MRPL1: variants seen among roughly 807,000 people sequenced by gnomAD.
The protein encoded by MRPL1 is large ribosomal subunit protein uL1m.
A neutral mutation model predicts 38.0 loss-of-function variants in MRPL1; 28 were observed. The ratio of observed to expected loss-of-function variants is 0.74; its 90% CI spans 0.55 to 1.01. The LOEUF is 1.01. Ranked by LOEUF, MRPL1 falls within the 50% of genes least tolerant of loss-of-function variation. The pLI is 0.00. For synonymous variants in MRPL1, 123 were observed against 126.7 expected (o/e 0.97, Z 0.20); for missense variants, 358 against 389.8 (o/e 0.92, Z 0.69).
chr4:77,940,704 T>C (rs1737103105), intron 7 of MRPL1, among the ~76,000 whole-genome samples: 7 of 152,168 alleles, frequency 4.6e-5, no homozygotes, highest in Admixed American at 4.6e-4. Context: ...TTTTATTACA[T>C]TAAGGTGTGT....
At position 77,862,840 on chromosome 4, in the gene MRPL1, G is replaced by A. The variant is rs1397104724; in HGVS notation, c.-9G>A. 6.2e-7 allele frequency: 1 copy of A among 1,613,968 alleles called. No individual in the cohort carries two copies. ...AACAATTTCGTGAACGCAATCCGGA[G>A]TGCCCAACATGGCGGCGGCCGTAAG... On this transcript the variant is annotated 5_prime_UTR_variant, in exon 1 of 9. The change creates a new upstream start codon in the 5' untranslated region. Transcript: ENST00000315567.
chr4:77,938,767 A>C (rs1320848925), intron 7 of MRPL1, among the ~76,000 whole-genome samples: 1 of 152,134 alleles, frequency 6.6e-6, no homozygotes, highest in Non-Finnish European at 1.5e-5. Flanking sequence ...ACCTCAGCAC[A>C]ACCTGTATCA....
chr4:77,872,417 G>A (rs1051490262), intron 2 of MRPL1, among the ~76,000 whole-genome samples: 1 of 152,028 alleles, frequency 6.6e-6, no homozygotes, highest in African/African-American at 2.4e-5. Context: ...GATTTGCATA[G>A]TATATATATT....
chr4:77,915,268 C>G (rs1027346465), intron 7 of MRPL1, among the ~76,000 whole-genome samples: 1 of 152,116 alleles, frequency 6.6e-6, no homozygotes, highest in Non-Finnish European at 1.5e-5. Context: ...GTTGAATGAT[C>G]TTTCTTAATT....
intron 2 of MRPL1, among the ~76,000 whole-genome samples, chr4:77,875,623 G>T (rs1265490522): frequency 6.6e-6 from 1 of 151,748 alleles, no homozygotes; most frequent in Non-Finnish European, 1.5e-5. Flanking sequence ...CTGCCCTCCA[G>T]CCTGGGCAAC....
chr4:77,868,209 CG>C (rs534799826), intron 1 of MRPL1, among the ~76,000 whole-genome samples: 39 of 151,944 alleles, frequency 2.6e-4, no homozygotes, highest in African/African-American at 9.4e-4. Flanking sequence ...ACTACAGGCA[CG>C]TGTCACCATG....
intron 7 of MRPL1, among the ~76,000 whole-genome samples, chr4:77,933,949 T>C (rs1247805051): frequency 6.6e-6 from 1 of 152,198 alleles, no homozygotes; most frequent in Non-Finnish European, 1.5e-5. Context: ...ACAGTAACTC[T>C]ATTGATAATT....
chr4:77,867,746 CTTTTTT>C (rs71214374), intron 1 of MRPL1, among the ~76,000 whole-genome samples: 1 of 92,040 alleles, frequency 1.1e-5, no homozygotes, highest in South Asian at 3.9e-4. Context: ...ATAGTTATTT[CTTTTTT>C]TTTTTTTTTT....
At chr4:77,864,308 A>C (rs769149869) in intron 1 of MRPL1, among the ~76,000 whole-genome samples, 28 of 152,032 alleles carry the variant, frequency 1.8e-4, no homozygotes, top group Non-Finnish European at 2.9e-4. Context: ...ATTTTTTCTC[A>C]CATTACTTGG....
intron 6 of MRPL1, among the ~76,000 whole-genome samples, chr4:77,907,715 C>T (rs1406984212): frequency 6.6e-6 from 1 of 152,026 alleles, no homozygotes; most frequent in Non-Finnish European, 1.5e-5. Flanking sequence ...CAGGCATGCG[C>T]CACCACCTCA....
chr4:77,892,807 G>T (rs1487635878), intron 5 of MRPL1, among the ~76,000 whole-genome samples: 1 of 152,160 alleles, frequency 6.6e-6, no homozygotes, highest in Non-Finnish European at 1.5e-5. Context: ...GGTGTGTACA[G>T]ACTGACTCAT....
chr4:77,871,412 C>T (rs1459043168), intron 1 of MRPL1, among the ~76,000 whole-genome samples: 1 of 151,632 alleles, frequency 6.6e-6, no homozygotes, highest in Non-Finnish European at 1.5e-5. Context: ...TCAAACGATT[C>T]TCCTGCCTCA....
intron 6 of MRPL1, among the ~76,000 whole-genome samples, chr4:77,896,986 T>C (rs1297748414): frequency 6.6e-6 from 1 of 152,200 alleles, no homozygotes; most frequent in East Asian, 1.9e-4. Context: ...CTAATATAGA[T>C]ATGTTTTGTT....
intron 1 of MRPL1, among the ~76,000 whole-genome samples, chr4:77,866,309 C>G (rs1268444696): frequency 3.9e-5 from 6 of 152,244 alleles, no homozygotes; most frequent in Admixed American, 6.5e-5. Context: ...GCCTCAGCAT[C>G]CCATACTGCT....
chr4:77,905,901 CATTT>C (rs1293415652), intron 6 of MRPL1, among the ~76,000 whole-genome samples: 4 of 152,138 alleles, frequency 2.6e-5, no homozygotes, highest in Non-Finnish European at 5.9e-5. Context: ...TTCCAGGAGA[CATTT>C]ATCATATTTA....
chr4:77,919,319 G>A (rs1217610964), intron 7 of MRPL1, among the ~76,000 whole-genome samples: 2 of 152,026 alleles, frequency 1.3e-5, no homozygotes, highest in East Asian at 1.9e-4. Context: ...ACTTCTAAGT[G>A]TAATCGAAGG....
chr4:77,909,504 C>T, intron 7 of MRPL1, 132 bp downstream of exon 7: 1 of 592,708 alleles, frequency 1.7e-6, no homozygotes, highest in South Asian at 2.2e-5. Context: ...TGGCATTAAA[C>T]ATACGCATAG....
At chr4:77,893,437 T>A (rs1735847773) in intron 5 of MRPL1, among the ~76,000 whole-genome samples, 1 of 152,076 alleles carries the variant, frequency 6.6e-6, no homozygotes, top group Admixed American at 6.6e-5. Flanking sequence ...TTAAGTAGAG[T>A]ATATTAAGTA....
chr4:77,919,048 A>G (rs1736502615), intron 7 of MRPL1, among the ~76,000 whole-genome samples: 1 of 152,182 alleles, frequency 6.6e-6, no homozygotes, highest in African/African-American at 2.4e-5. Context: ...CTTGTCCTCT[A>G]TTTATTATAA....
Sources: allele counts gnomAD v4.1 joint callset (sites outside exome capture counted in the v4.1 genomes callset), GRCh38; gene constraint gnomAD v4.1.1; transcripts MANE v1.5; gene names NCBI Gene and HGNC (gene_info 2026-07-23, HGNC 2026-07-21).